BCKDK: variants seen among roughly 807,000 people sequenced by gnomAD.
BCKDK encodes branched-chain alpha-ketoacid dehydrogenase kinase.
BCKDK carries 28 observed loss-of-function variants against 43.9 expected under a neutral mutation model. The ratio of observed to expected loss-of-function variants is 0.64; its 90% CI spans 0.47 to 0.87. The LOEUF (loss-of-function observed/expected upper bound fraction) is 0.87. BCKDK is among the 40% of genes least tolerant of loss of function. The pLI, the probability that BCKDK is intolerant of heterozygous loss-of-function variation, is 0.00. For synonymous variants in BCKDK, 257 were observed against 234.3 expected (o/e 1.10, Z -0.88); for missense variants, 483 against 581.4 (o/e 0.83, Z 1.74).
chr16:31,110,083 C>T lies in BCKDK; in HGVS notation c.382C>T (p.Leu128=), dbSNP rs1429745071. Reference sequence around the variant, plus strand: ...CCACACCTCTTCCTTGCAGCATGAGCTATATATCCGTGCCTTCCAGAAGCT... The same window carrying T: ...CCACACCTCTTCCTTGCAGCATGAGTTATATATCCGTGCCTTCCAGAAGCT... ...CNPTILHVHE[L]YIRAFQKLTD... Residue 128 remains leucine (L), a synonymous_variant, in exon 5 of 12, where the codon CTA becomes TTA. Transcript: ENST00000219794. This position sits in a 1 kb window ranked among gnomAD's most constrained non-coding sequence, Gnocchi z 5.4. 2 of 1,614,076 alleles carry T rather than the reference C, an allele frequency of 1.2e-6. No individual in the cohort carries two copies. The highest frequency in any genetic ancestry group is 1.1e-5 in the South Asian group (1 of 91,092).
downstream of BCKDK, among the ~76,000 whole-genome samples, chr16:31,115,533 TCCC>T (rs374518255): frequency 1.4e-3 from 217 of 151,686 alleles, 4 homozygotes; most frequent in Middle Eastern, 0.01. Flanking sequence ...TCCTTTTCTT[TCCC>T]CCCTTTTTTT....
At position 31,109,341 on chromosome 16, in the gene BCKDK, G is replaced by A; in HGVS notation, c.118G>A (p.Val40Met). ...GACGTCGGCCACCGACACACACCAC[G>A]TGGAGATGGCTCGGGAGCGCTCCAA... ...RSTSATDTHH[V>M]EMARERSKTV... The change falls in exon 2 of 12, where the codon GTG becomes ATG. Residue 40 changes from valine (V) to methionine (M), a missense_variant. Transcript: ENST00000219794. This position sits in a 1 kb window ranked among gnomAD's most constrained non-coding sequence, Gnocchi z 5.3. 5 of 1,610,234 alleles carry A rather than the reference G, an allele frequency of 3.1e-6. No individual in the cohort carries two copies. Among genetic ancestry groups the A allele is most frequent in the Non-Finnish European group, 4.2e-6 (5 of 1,178,082 alleles).
Position 31,108,471 on chromosome 16 carries a change from GGCCCCGCGGTAA to G in BCKDK, c.-184_-178+5del, listed in dbSNP as rs2143934367. ...CCGCTGGGACCCGGGCCCTGGCTCC[GGCCCCGCGGTAA>G]GTGGGGCGACCCCAGCCTACTCAGT... On this transcript the variant is annotated splice_donor_variant and splice_donor_region_variant and 5_prime_UTR_variant and intron_variant, in exon 1 of 12. Transcript: ENST00000219794. LOFTEE classifies it low-confidence loss of function (5UTR_SPLICE). This position sits in a 1 kb window ranked among gnomAD's most constrained non-coding sequence, Gnocchi z 6.2. The G allele has an allele frequency of 6.6e-6, 1 of 152,338 alleles. No homozygotes were observed. The highest frequency in any genetic ancestry group is 1.5e-5 in the Non-Finnish European group (1 of 68,028). The allele number at this position is 152,338 out of a possible 1,614,324, so 9.4% of individuals were successfully genotyped here. A position where few individuals can be genotyped will look rare whatever the true frequency, so the allele number is the denominator to read the frequency against.
Position 31,109,163 on chromosome 16 carries a change from G to A in BCKDK, c.-61G>A, listed in dbSNP as rs533750360. 4 of 1,417,820 alleles carry A rather than the reference G, an allele frequency of 2.8e-6. No individual in the cohort carries two copies. In the African/African-American group the frequency reaches 5.7e-5, roughly 20 times the overall value. The allele number at this position is 1,417,820 out of a possible 1,614,324, so 87.8% of individuals were successfully genotyped here. ...CCCTTGCCCCATTTTGGGTCGCCTGGGTCCTCAGTCCTAGCGGATCCTCAG... is the reference window on the plus strand; with the variant it reads ...CCCTTGCCCCATTTTGGGTCGCCTGAGTCCTCAGTCCTAGCGGATCCTCAG... On this transcript the variant is annotated 5_prime_UTR_variant, in exon 2 of 12. Transcript: ENST00000219794. This position sits in a 1 kb window ranked among gnomAD's most constrained non-coding sequence, Gnocchi z 5.3.
Position 31,109,943 on chromosome 16 carries a change from C to A in BCKDK, c.376-134C>A. ...AAGCCAAAGGTGTGTATTCACGGAGCCTGGAAGGGTCGAAGTGGGGGTTTG... is the reference window on the plus strand; with the variant it reads ...AAGCCAAAGGTGTGTATTCACGGAGACTGGAAGGGTCGAAGTGGGGGTTTG... On this transcript the variant is annotated intron_variant, in intron 4 of 11. Coordinates refer to ENST00000219794, the MANE Select transcript of BCKDK (RefSeq NM_005881.4). The surrounding 1 kb of genome is among the most constrained non-coding windows in gnomAD (Gnocchi z 5.3). 1.4e-6 allele frequency: 2 copies of A among 1,415,800 alleles called. No individual in the cohort carries two copies. Among genetic ancestry groups the A allele is most frequent in the Non-Finnish European group, 2.0e-6 (2 of 1,007,156 alleles). The allele number at this position is 1,415,800 out of a possible 1,614,324, so 87.7% of individuals were successfully genotyped here.
In BCKDK at chr16:31,109,779, A is replaced by G. The variant is rs1440367751; in HGVS notation, c.371A>G (p.His124Arg). 13 of 1,613,602 alleles carry G rather than the reference A, an allele frequency of 8.1e-6. No individual in the cohort carries two copies. The highest frequency in any genetic ancestry group is 1.1e-5 in the Non-Finnish European group (13 of 1,179,890). The change falls in exon 4 of 12, where the codon CAC becomes CGC. Residue 124 changes from histidine (H) to arginine (R), a missense_variant. His to Arg is a conservative substitution (Grantham distance 29). Transcript: ENST00000219794. This position sits in a 1 kb window ranked among gnomAD's most constrained non-coding sequence, Gnocchi z 5.3. ...FIIGCNPTILHVHELYIRAFQ... is the reference protein window; with the variant it reads ...FIIGCNPTILRVHELYIRAFQ... ...ATTGGCTGCAACCCCACCATACTGC[A>G]CGTGGTAAGGTAGAGAGGACCTTAG...
In BCKDK at chr16:31,109,766, C is replaced by G. The variant is rs1327956569; in HGVS notation, c.358C>G (p.Pro120Ala). ...RCLPFIIGCNPTILHVHELYI... is the reference protein window; with the variant it reads ...RCLPFIIGCNATILHVHELYI... ...CCTTCCTTTCATCATTGGCTGCAAC[C>G]CCACCATACTGCACGTGGTAAGGTA... Residue 120 changes from proline (P) to alanine (A), a missense_variant, in exon 4 of 12, where the codon CCC (proline) becomes GCC (alanine). By Grantham distance (27) the Pro-to-Ala change is conservative. Coordinates refer to ENST00000219794, the MANE Select transcript of BCKDK (RefSeq NM_005881.4). The surrounding 1 kb of genome is among the most constrained non-coding windows in gnomAD (Gnocchi z 5.3). 6.2e-7 allele frequency: 1 copy of G among 1,613,824 alleles called. No individual in the cohort carries two copies. Among genetic ancestry groups the G allele is most frequent in the Non-Finnish European group, 8.5e-7 (1 of 1,180,002 alleles).
chr16:31,109,233 G>C lies in BCKDK; in HGVS notation c.10G>C (p.Ala4Pro), dbSNP rs775430762. 12 of 1,516,844 alleles carry C rather than the reference G, an allele frequency of 7.9e-6. No individual in the cohort carries two copies. Among genetic ancestry groups the C allele is most frequent in the Non-Finnish European group, 1.1e-5 (12 of 1,135,580 alleles). The allele number at this position is 1,516,844 out of a possible 1,614,324, so 94.0% of individuals were successfully genotyped here. The change falls in exon 2 of 12, where the codon GCG (alanine) becomes CCG (proline). Residue 4 changes from alanine (A) to proline (P), a missense_variant. Physicochemically the swap from Ala to Pro is conservative, Grantham distance 27. Transcript: ENST00000219794. This position sits in a 1 kb window ranked among gnomAD's most constrained non-coding sequence, Gnocchi z 5.3. ...TGAAAGGAGCAAGACGATGATCCTGGCGTCGGTGCTGAGGAGCGGTCCCGG... is the reference window on the plus strand; with the variant it reads ...TGAAAGGAGCAAGACGATGATCCTGCCGTCGGTGCTGAGGAGCGGTCCCGG... MIL[A>P]SVLRSGPGGG... is the part of the protein sequence containing the mutation.
In BCKDK at chr16:31,109,535, A is replaced by AT. The variant is rs1385258282; in HGVS notation, c.221dup (p.Met74IlefsTer54). 6.2e-7 allele frequency: 1 copy of AT among 1,614,080 alleles called. No individual in the cohort carries two copies. Among genetic ancestry groups the AT allele is most frequent in the South Asian group, 1.1e-5 (1 of 91,084 alleles). ...GCCCTCAGTCCGCCTAACGCCCACC[A>AT]TGATGCTCTACGCTGGCCGCTCTCA... On this transcript the variant is annotated frameshift_variant, in exon 3 of 12. Coordinates refer to ENST00000219794, the MANE Select transcript of BCKDK (RefSeq NM_005881.4). LOFTEE classifies it high-confidence loss of function. The surrounding 1 kb of genome is among the most constrained non-coding windows in gnomAD (Gnocchi z 5.3).
downstream of BCKDK, among the ~76,000 whole-genome samples, chr16:31,116,953 A>G: frequency 7.1e-6 from 1 of 140,672 alleles, no homozygotes; most frequent in Non-Finnish European, 1.5e-5. Flanking sequence ...GAGCGACATT[A>G]GGCCAGCGCG....
In BCKDK at chr16:31,109,233, G is replaced by A; in HGVS notation, c.10G>A (p.Ala4Thr). 3.3e-6 allele frequency: 5 copies of A among 1,516,844 alleles called. No homozygotes were observed. The highest frequency in any genetic ancestry group is 1.8e-4 in the Middle Eastern group (1 of 5,498). The allele number at this position is 1,516,844 out of a possible 1,614,324, so 94.0% of individuals were successfully genotyped here. ...TGAAAGGAGCAAGACGATGATCCTG[G>A]CGTCGGTGCTGAGGAGCGGTCCCGG... Reference protein sequence around the residue: MILASVLRSGPGGG... With the variant: MILTSVLRSGPGGG... The change falls in exon 2 of 12, where the codon GCG becomes ACG. Residue 4 changes from alanine to threonine, a missense_variant. Physicochemically the swap from Ala to Thr is moderately conservative, Grantham distance 58. Coordinates refer to ENST00000219794, the MANE Select transcript of BCKDK (RefSeq NM_005881.4). This position sits in a 1 kb window ranked among gnomAD's most constrained non-coding sequence, Gnocchi z 5.3.
rs1411884035 is a variant in BCKDK at position 31,110,990 on chromosome 16, T to G, written c.717-101T>G. ...TGCCTAGTTGTGACAAACAAAAATG[T>G]CTCTGCACATTGCCATATGTTACTT... On this transcript the variant is annotated intron_variant, in intron 8 of 11. Transcript: ENST00000219794. The surrounding 1 kb of genome is among the most constrained non-coding windows in gnomAD (Gnocchi z 5.4). 4 of 1,551,860 alleles carry G rather than the reference T, an allele frequency of 2.6e-6. No individual in the cohort carries two copies. Among genetic ancestry groups the G allele is most frequent in the Non-Finnish European group, 3.5e-6 (4 of 1,144,074 alleles).
rs1256000712 is a variant in BCKDK at position 31,109,929 on chromosome 16, G to A, written c.375+146G>A. 2.9e-6 allele frequency: 4 copies of A among 1,369,600 alleles called. No homozygotes were observed. Among genetic ancestry groups the A allele is most frequent in the Admixed American group, 3.7e-5 (2 of 54,598 alleles). The allele number at this position is 1,369,600 out of a possible 1,614,324, so 84.8% of individuals were successfully genotyped here. On this transcript the variant is annotated intron_variant, in intron 4 of 11. Transcript: ENST00000219794. The surrounding 1 kb of genome is among the most constrained non-coding windows in gnomAD (Gnocchi z 5.3). ...CCCCAGGCCTTCAGAAGCCAAAGGT[G>A]TGTATTCACGGAGCCTGGAAGGGTC...
chr16:31,116,209 C>T (rs1404021465), downstream of BCKDK, among the ~76,000 whole-genome samples: 1 of 151,680 alleles, frequency 6.6e-6, no homozygotes, highest in Non-Finnish European at 1.5e-5. Flanking sequence ...AACCACCGCA[C>T]CCGGCCTTTT....
downstream of BCKDK, among the ~76,000 whole-genome samples, chr16:31,113,967 G>T (rs1294834863): frequency 6.6e-6 from 1 of 152,198 alleles, no homozygotes; most frequent in African/African-American, 2.4e-5. Context: ...AGGGTTGAAG[G>T]TAAGAGAGCT....
rs771457546 is a variant in BCKDK, at chr16:31,112,092, T to C, written c.1095-29T>C. 30 of 1,607,306 alleles carry C rather than the reference T, an allele frequency of 1.9e-5. No homozygotes were observed. Among genetic ancestry groups the C allele is most frequent in the Non-Finnish European group, 2.4e-5 (28 of 1,175,886 alleles). On this transcript the variant is annotated intron_variant, in intron 11 of 11. Coordinates refer to ENST00000219794, the MANE Select transcript of BCKDK (RefSeq NM_005881.4). This position sits in a 1 kb window ranked among gnomAD's most constrained non-coding sequence, Gnocchi z 5.0. Reference sequence around the variant, plus strand: ...CCAGGAGACTCAAGCCTCTGAAGCCTCCTGTCCTGTCCCCCTGCCCACCCC... The same window carrying C: ...CCAGGAGACTCAAGCCTCTGAAGCCCCCTGTCCTGTCCCCCTGCCCACCCC...
downstream of BCKDK, among the ~76,000 whole-genome samples, chr16:31,114,566 ACTC>A (rs1328229555): frequency 6.6e-6 from 1 of 151,690 alleles, no homozygotes; most frequent in African/African-American, 2.4e-5. Flanking sequence ...TGAGCATTCC[ACTC>A]CTCTCAGAAT....
In BCKDK at chr16:31,112,194, C is replaced by G. The variant is rs775185560; in HGVS notation, c.1168C>G (p.Gln390Glu). The change falls in exon 12 of 12, where the codon CAG (glutamine) becomes GAG (glutamate). Residue 390 changes from glutamine (Q) to glutamate (E), a missense_variant. Physicochemically the swap from Gln to Glu is conservative, Grantham distance 29. Transcript: ENST00000219794. The surrounding 1 kb of genome is among the most constrained non-coding windows in gnomAD (Gnocchi z 5.0). ...TGGGTCTCTGCAGCTGCAGTCCCTG[C>G]AGGGCATTGGCACGGACGTCTACCT... is the stretch of plus-strand genomic sequence containing the variant. ...LGGSLQLQSLQGIGTDVYLRL... is the reference protein window; with the variant it reads ...LGGSLQLQSLEGIGTDVYLRL... The G allele has an allele frequency of 6.2e-7, 1 of 1,612,948 alleles. No homozygotes were observed. Among genetic ancestry groups the G allele is most frequent in the Non-Finnish European group, 8.5e-7 (1 of 1,180,026 alleles).
At chr16:31,112,839 G>A (rs1341382028), downstream of BCKDK, 2 of 180,388 alleles carry the variant, frequency 1.1e-5, no homozygotes, top group Non-Finnish European at 2.4e-5. This position sits in a 1 kb window ranked among gnomAD's most constrained non-coding sequence, Gnocchi z 5.0. Flanking sequence ...GACTGACCCA[G>A]CTTCGGGCAT....
Sources: gnomAD v4.1 joint callset for allele counts (sites outside exome capture counted in the v4.1 genomes callset) on GRCh38, gnomAD v4.1.1 for gene constraint, Gnocchi (gnomAD v3.1) non-coding constraint, MANE v1.5 for transcripts, NCBI Gene and HGNC (gene_info 2026-07-23, HGNC 2026-07-21) for gene names.